NALCN: variants seen among roughly 807,000 people sequenced by gnomAD.
NALCN encodes sodium leak channel, non-selective.
In NALCN, 111 loss-of-function variants were observed where a neutral mutation model predicts 225.3. The observed-to-expected ratio is 0.49, with a 90% CI of 0.42 to 0.58. NALCN has a LOEUF of 0.58. Ranked by LOEUF, NALCN falls within the 20% of genes least tolerant of loss-of-function variation. The pLI is 0.00. For synonymous variants in NALCN, 764 were observed against 769.0 expected (o/e 0.99, Z 0.11); for missense variants, 1,378 against 2,202.4 (o/e 0.63, Z 7.49).
chr13:101,105,209 A>G (rs1378524177), intron 22 of NALCN, among the ~76,000 whole-genome samples: 1 of 152,216 alleles, frequency 6.6e-6, no homozygotes, highest in African/African-American at 2.4e-5. Context: ...AGACTTTGTG[A>G]CTTTGTTCAG....
chr13:101,202,311 G>T (rs1432856961), intron 13 of NALCN, among the ~76,000 whole-genome samples: 1 of 152,138 alleles, frequency 6.6e-6, no homozygotes, highest in Non-Finnish European at 1.5e-5. Context: ...AGAATTAGGG[G>T]TTAAGGAAAA....
At chr13:101,288,547 C>G (rs1171132596) in intron 9 of NALCN, among the ~76,000 whole-genome samples, 1 of 152,130 alleles carries the variant, frequency 6.6e-6, no homozygotes, top group Admixed American at 6.5e-5. Context: ...GAGAAAAACT[C>G]AAAAGTGCCC....
intron 39 of NALCN, 149 bp from the exon 40 acceptor site, chr13:101,065,710 G>C: frequency 1.1e-6 from 1 of 934,506 alleles, no homozygotes; most frequent in Non-Finnish European, 1.6e-6. Context: ...CTTGGAGCCT[G>C]GTAGAATTAA....
At chr13:101,196,407 G>A (rs1159488601) in intron 13 of NALCN, among the ~76,000 whole-genome samples, 1 of 151,912 alleles carries the variant, frequency 6.6e-6, no homozygotes, top group Non-Finnish European at 1.5e-5. Flanking sequence ...TTATTCTTGG[G>A]GTCCTCTCAC....
chr13:101,394,142 A>G (rs2047219090), intron 3 of NALCN, among the ~76,000 whole-genome samples: 1 of 152,188 alleles, frequency 6.6e-6, no homozygotes, highest in Non-Finnish European at 1.5e-5. Flanking sequence ...GTTGATGTGT[A>G]GTTACAGGGA....
chr13:101,172,691 C>T (rs946287514), intron 15 of NALCN, among the ~76,000 whole-genome samples: 1 of 152,218 alleles, frequency 6.6e-6, no homozygotes, highest in Admixed American at 6.5e-5. Flanking sequence ...TCCCAAGTAG[C>T]TGGGACTACA....
intron 1 of NALCN, among the ~76,000 whole-genome samples, chr13:101,403,108 G>GA (rs2047522716): frequency 6.6e-6 from 1 of 152,082 alleles, no homozygotes; most frequent in Non-Finnish European, 1.5e-5. Context: ...TTGTAGCCCA[G>GA]AAAACCTCAG....
At chr13:101,066,842 T>C (rs2032432933) in intron 39 of NALCN, among the ~76,000 whole-genome samples, 2 of 152,052 alleles carry the variant, frequency 1.3e-5, no homozygotes, top group Admixed American at 6.5e-5. Context: ...CAACTCTTCT[T>C]GAACTATTTC....
At chr13:101,118,752 G>A (rs532995673) in intron 18 of NALCN, among the ~76,000 whole-genome samples, 64 of 152,062 alleles carry the variant, frequency 4.2e-4, no homozygotes, top group Non-Finnish European at 7.5e-4. Flanking sequence ...CAAATGCTAA[G>A]AAAAAAATTG....
chr13:101,319,041 A>T (rs2044654305), intron 7 of NALCN, among the ~76,000 whole-genome samples: 1 of 152,194 alleles, frequency 6.6e-6, no homozygotes, highest in Non-Finnish European at 1.5e-5. Flanking sequence ...TAAACTGGGT[A>T]CCACTGGAGG....
intron 15 of NALCN, among the ~76,000 whole-genome samples, chr13:101,174,657 C>A (rs771805111): frequency 1.3e-5 from 2 of 152,072 alleles, no homozygotes; most frequent in African/African-American, 2.4e-5. Context: ...TTTGAATTCA[C>A]AATCCTGAAA....
intron 15 of NALCN, among the ~76,000 whole-genome samples, chr13:101,174,855 A>G (rs1046019220): frequency 1.3e-5 from 2 of 152,222 alleles, no homozygotes; most frequent in Non-Finnish European, 2.9e-5. Context: ...AGGATAGTAC[A>G]TATCTGTGCA....
intron 6 of NALCN, among the ~76,000 whole-genome samples, chr13:101,352,824 T>A (rs1310067986): frequency 6.6e-6 from 1 of 152,210 alleles, no homozygotes; most frequent in Non-Finnish European, 1.5e-5. Flanking sequence ...TGTTATTACC[T>A]TTTTTTGTTA....
intron 6 of NALCN, among the ~76,000 whole-genome samples, chr13:101,345,957 G>T (rs76669818): frequency 0.02 from 3,010 of 147,288 alleles, 112 homozygotes; most frequent in African/African-American, 0.071. Context: ...ATAAGAATGA[G>T]AAATGAGGAG....
At chr13:101,176,473 T>G in intron 14 of NALCN, 99 bp from the exon 15 acceptor site, 1 of 726,296 alleles carries the variant, frequency 1.4e-6, no homozygotes, top group Non-Finnish European at 2.0e-6. Flanking sequence ...GAGTATATAA[T>G]TCATTAAATG....
chr13:101,141,135 C>G (rs1286891553), intron 17 of NALCN, among the ~76,000 whole-genome samples: 1 of 152,020 alleles, frequency 6.6e-6, no homozygotes, highest in Non-Finnish European at 1.5e-5. Context: ...AGATGGCAAT[C>G]CCAGGGGAGA....
At chr13:101,395,390 A>G (rs1344049146) in intron 2 of NALCN, 25 bp from the exon 3 acceptor site, 1 of 1,605,558 alleles carries the variant, frequency 6.2e-7, no homozygotes, top group African/African-American at 1.3e-5. Flanking sequence ...CAGAGTTACT[A>G]CACGGCACCA....
chr13:101,205,465 T>C (rs937594992), intron 13 of NALCN, among the ~76,000 whole-genome samples: 2 of 152,130 alleles, frequency 1.3e-5, no homozygotes, highest in Non-Finnish European at 2.9e-5. Flanking sequence ...ATCAACTGAA[T>C]GAACTTATAT....
intron 9 of NALCN, among the ~76,000 whole-genome samples, chr13:101,286,376 C>T (rs2139020490): frequency 6.6e-6 from 1 of 152,250 alleles, no homozygotes; most frequent in Non-Finnish European, 1.5e-5. Flanking sequence ...AGGATGCAAG[C>T]AGAAACCCTC....
Sources: allele counts gnomAD v4.1 joint callset (sites outside exome capture counted in the v4.1 genomes callset), GRCh38; gene constraint gnomAD v4.1.1; transcripts MANE v1.5; gene names NCBI Gene and HGNC (gene_info 2026-07-23, HGNC 2026-07-21).